The following NSUN6 variants were observed in gnomAD, a reference collection of about 807,000 sequenced individuals.
NSUN6 encodes tRNA (cytosine(72)-C(5))-methyltransferase NSUN6.
NSUN6 carries 64 observed loss-of-function variants against 58.0 expected under a neutral mutation model. The observed-to-expected ratio is 1.10, with a 90% CI of 0.90 to 1.36. NSUN6 has a LOEUF of 1.36. Among genes scored for constraint, NSUN6 ranks in the 40% most tolerant of loss-of-function variants. The probability of loss-of-function intolerance (pLI) is 0.00; values close to 1 mark genes in which losing one functional copy is unlikely to be tolerated. For missense variants in NSUN6, 701 were observed against 550.1 expected (o/e 1.27, Z -2.74); for synonymous variants, 231 against 193.9 (o/e 1.19, Z -1.59).
rs539543197 is a variant in NSUN6 at position 18,597,450 on chromosome 10, C to CAAT, written c.658-1126_658-1124dup. 2.8e-4 allele frequency among the ~76,000 whole-genome samples: 42 copies of CAAT among 152,242 alleles called. 1 individual carries two copies. In the South Asian group the frequency reaches 7.9e-3, roughly 29 times the overall value. On this transcript the variant is annotated intron_variant, in intron 6 of 10. Transcript: ENST00000377304. Reference sequence around the variant, plus strand: ...AATTCATTCCTACCAAAAGACTGAACAATACATCCATTAGTACACCCTCAA... The same window carrying CAAT: ...AATTCATTCCTACCAAAAGACTGAACAATAATACATCCATTAGTACACCCTCAA...
At chr10:18,609,779 G>T (rs761316530) in intron 6 of NSUN6, 66 bp downstream of exon 6, 2 of 890,808 alleles carry the variant, frequency 2.2e-6, no homozygotes, top group Non-Finnish European at 3.6e-6. Flanking sequence ...AAATATCCTA[G>T]ATTTCAAATA....
chr10:18,642,386 A>T, intron 3 of NSUN6, 90 bp downstream of exon 3: 2 of 681,096 alleles, frequency 2.9e-6, no homozygotes, highest in Non-Finnish European at 5.3e-6. Flanking sequence ...ACAATGGAGA[A>T]ACTTAGTATT....
At chr10:18,570,597 TTCCAC>T (rs1246740824) in intron 8 of NSUN6, among the ~76,000 whole-genome samples, 1 of 151,134 alleles carries the variant, frequency 6.6e-6, no homozygotes, top group African/African-American at 2.4e-5. Flanking sequence ...CTCCATTCCA[TTCCAC>T]TGTCCATTCC....
chr10:18,564,221 T>C (rs1187916461), intron 8 of NSUN6, among the ~76,000 whole-genome samples: 1 of 150,962 alleles, frequency 6.6e-6, no homozygotes, highest in Non-Finnish European at 1.5e-5. Flanking sequence ...ATACATTCCA[T>C]CCACTCTCTA....
At chr10:18,619,055 T>C (rs916352699) in intron 3 of NSUN6, among the ~76,000 whole-genome samples, 6 of 152,330 alleles carry the variant, frequency 3.9e-5, no homozygotes, top group Admixed American at 6.5e-5. Flanking sequence ...GAGAGGTCTA[T>C]TTGTTAAAAG....
chr10:18,596,900 G>A (rs1360950733), intron 6 of NSUN6, among the ~76,000 whole-genome samples: 1 of 152,084 alleles, frequency 6.6e-6, no homozygotes, highest in Non-Finnish European at 1.5e-5. Context: ...GTTTCTTCCA[G>A]TTAACCAAGA....
At chr10:18,645,499 G>A (rs1051566474) in intron 2 of NSUN6, among the ~76,000 whole-genome samples, 3 of 152,258 alleles carry the variant, frequency 2.0e-5, no homozygotes, top group East Asian at 3.9e-4. Context: ...CGTAGCATCC[G>A]TGTCTACCTT....
chr10:18,591,757 C>A (rs2057386112), intron 7 of NSUN6, among the ~76,000 whole-genome samples: 1 of 152,098 alleles, frequency 6.6e-6, no homozygotes, highest in African/African-American at 2.4e-5. Context: ...CCGTAGCCAA[C>A]ATCATACCGA....
At chr10:18,615,709 C>T (rs17622211) in intron 4 of NSUN6, among the ~76,000 whole-genome samples, 7,940 of 152,202 alleles carry the variant, frequency 0.052, 291 homozygotes, top group Non-Finnish European at 0.077. Context: ...TTCTTGATTT[C>T]AAGTCCAATA....
intron 3 of NSUN6, among the ~76,000 whole-genome samples, chr10:18,620,091 ATT>A (rs200450047): frequency 0.77 from 114,284 of 147,670 alleles, 44,178 homozygotes; most frequent in East Asian, 0.98. Flanking sequence ...AATAAAAAAA[ATT>A]TTTTTTTTTT....
intron 8 of NSUN6, among the ~76,000 whole-genome samples, chr10:18,573,220 A>T (rs1244810390): frequency 6.2e-5 from 9 of 146,140 alleles, no homozygotes; most frequent in Non-Finnish European, 1.2e-4. Context: ...ACTCCATTGC[A>T]TGCTCCGTTT....
At position 18,548,143 on chromosome 10, in the gene NSUN6, G is replaced by A. The variant is rs766850046; in HGVS notation, c.1166C>T (p.Thr389Ile). The A allele has an allele frequency of 2.5e-6, 4 of 1,613,810 alleles. No homozygotes were observed. The South Asian group carries it at 3.3e-5, about 13-fold the overall frequency. Residue 389 changes from threonine to isoleucine, a missense_variant, in exon 10 of 11, where the codon ACA (threonine) becomes ATA (isoleucine). Physicochemically the swap from Thr to Ile is moderately conservative, Grantham distance 89. Transcript: ENST00000377304. Reference protein sequence around the residue: ...ENEEQVAWALTKFPCLQLQPQ... With the variant: ...ENEEQVAWALIKFPCLQLQPQ... ...CTGAAGCTGAAGGCAAGGAAATTTT[G>A]TCAGGGCCCAGGCAACCTGTTCTTC... is the stretch of plus-strand genomic sequence containing the variant.
intron 3 of NSUN6, among the ~76,000 whole-genome samples, chr10:18,624,647 C>CAAAAAAAAAAAA (rs10671283): frequency 1.0e-4 from 8 of 77,054 alleles, no homozygotes; most frequent in Non-Finnish European, 1.6e-4. Context: ...GACTCTGTCT[C>CAAAAAAAAAAAA]AAAAAAAAAA....
chr10:18,629,271 G>A (rs1590132470), intron 3 of NSUN6, among the ~76,000 whole-genome samples: 1 of 152,102 alleles, frequency 6.6e-6, no homozygotes, highest in Non-Finnish European at 1.5e-5. Context: ...ACATGGAAAG[G>A]AACAACTGCT....
chr10:18,606,072 T>C (rs2058038191), intron 6 of NSUN6, among the ~76,000 whole-genome samples: 1 of 152,194 alleles, frequency 6.6e-6, no homozygotes, highest in South Asian at 2.1e-4. Flanking sequence ...GCCTGATGCA[T>C]AATAAATATT....
intron 9 of NSUN6, 26 bp downstream of exon 9, chr10:18,551,797 T>G: frequency 6.3e-7 from 1 of 1,598,318 alleles, no homozygotes; most frequent in Non-Finnish European, 8.6e-7. Flanking sequence ...GTTAACTTTG[T>G]TTCACAAAAA....
intron 2 of NSUN6, among the ~76,000 whole-genome samples, chr10:18,647,346 C>T (rs1048882899): frequency 6.6e-6 from 1 of 152,166 alleles, no homozygotes; most frequent in Non-Finnish European, 1.5e-5. Context: ...CTGACACCCA[C>T]GTTACATGTT....
chr10:18,594,419 T>C (rs952866903), intron 7 of NSUN6, among the ~76,000 whole-genome samples: 1 of 149,194 alleles, frequency 6.7e-6, no homozygotes, highest in Non-Finnish European at 1.5e-5. Flanking sequence ...GGTTCAGTGA[T>C]AGACACTTTC....
At chr10:18,608,729 C>G (rs952648394) in intron 6 of NSUN6, among the ~76,000 whole-genome samples, 6 of 150,736 alleles carry the variant, frequency 4.0e-5, no homozygotes, top group African/African-American at 1.5e-4. Flanking sequence ...ACATTATTAA[C>G]TGGAAGGAGT....
Sources: gnomAD v4.1 joint callset for allele counts (sites outside exome capture counted in the v4.1 genomes callset) on GRCh38, gnomAD v4.1.1 for gene constraint, MANE v1.5 for transcripts, NCBI Gene and HGNC (gene_info 2026-07-23, HGNC 2026-07-21) for gene names.